The following SMOC1 variants were observed in gnomAD, a reference collection of about 807,000 sequenced individuals.
SMOC1 encodes the protein SPARC related modular calcium binding 1, also known as SPARC-related modular calcium-binding protein 1.
In SMOC1, 22 loss-of-function variants were observed where a neutral mutation model predicts 56.3. That is an observed-to-expected ratio of 0.39 (90% CI 0.28 to 0.56). SMOC1 has a LOEUF of 0.56. SMOC1 is among the 20% of genes least tolerant of loss of function. The pLI is 0.61. For missense variants in SMOC1, 509 were observed against 565.4 expected, an observed-to-expected ratio of 0.90 and a Z score of 1.01; for synonymous variants, 193 against 215.0, an observed-to-expected ratio of 0.90 and a Z score of 0.89.
chr14:69,898,335 T>C (rs962183293), intron 1 of SMOC1, among the ~76,000 whole-genome samples: 65 of 152,338 alleles, frequency 4.3e-4, no homozygotes, highest in African/African-American at 1.4e-3. Flanking sequence ...GGCATGAATT[T>C]TGGGGAAATT....
chr14:69,980,743 T>C (rs993035461), intron 5 of SMOC1, among the ~76,000 whole-genome samples: 2 of 152,182 alleles, frequency 1.3e-5, no homozygotes. Context: ...TGGCTTCTCA[T>C]AGGAGGCATC....
At chr14:70,001,496 A>G (rs1428227514) in intron 7 of SMOC1, among the ~76,000 whole-genome samples, 1 of 152,188 alleles carries the variant, frequency 6.6e-6, no homozygotes, top group African/African-American at 2.4e-5. Flanking sequence ...TAAAAAGCAG[A>G]TAGACTCTTA....
At chr14:69,925,997 C>T (rs7146478) in intron 1 of SMOC1, among the ~76,000 whole-genome samples, 3,857 of 152,100 alleles carry the variant, frequency 0.025, 133 homozygotes, top group African/African-American at 0.081. Flanking sequence ...CAGCTCCCCT[C>T]AGGAACTCTC....
At chr14:69,949,941 G>A (rs1040663137) in intron 1 of SMOC1, among the ~76,000 whole-genome samples, 1 of 152,166 alleles carries the variant, frequency 6.6e-6, no homozygotes, top group Non-Finnish European at 1.5e-5. Context: ...ATTTCTCCCC[G>A]TCAGCTCACC....
At chr14:70,023,565 G>A in intron 11 of SMOC1, 118 bp downstream of exon 11, 2 of 1,427,426 alleles carry the variant, frequency 1.4e-6, no homozygotes, top group Admixed American at 1.7e-5. Context: ...ATTATTTGCT[G>A]GAAGTGTGCT....
At chr14:69,987,858 C>T (rs1178814745) in intron 5 of SMOC1, among the ~76,000 whole-genome samples, 2 of 152,178 alleles carry the variant, frequency 1.3e-5, no homozygotes, top group Non-Finnish European at 2.9e-5. Flanking sequence ...GTCACACAAA[C>T]CCACTGTCTG....
At chr14:69,948,467 CAG>C (rs1253692679) in intron 1 of SMOC1, among the ~76,000 whole-genome samples, 6 of 152,180 alleles carry the variant, frequency 3.9e-5, no homozygotes, top group African/African-American at 1.4e-4. Flanking sequence ...TGTTTGCAGA[CAG>C]AGTGTTCCCC....
chr14:69,960,034 C>T (rs1462414504), intron 3 of SMOC1, among the ~76,000 whole-genome samples: 3 of 152,136 alleles, frequency 2.0e-5, no homozygotes, highest in East Asian at 3.9e-4. Flanking sequence ...CCTGGGAACA[C>T]CTTGGTTTAC....
At chr14:69,912,759 A>C (rs1028903000) in intron 1 of SMOC1, among the ~76,000 whole-genome samples, 1 of 152,004 alleles carries the variant, frequency 6.6e-6, no homozygotes, top group Non-Finnish European at 1.5e-5. Flanking sequence ...AAAGGCCCTC[A>C]GTTTTTTTTT....
intron 3 of SMOC1, among the ~76,000 whole-genome samples, chr14:69,961,275 T>TATAC (rs1883366454): frequency 4.5e-5 from 1 of 22,270 alleles, no homozygotes; most frequent in African/African-American, 1.4e-4. Context: ...CTATTGTGTA[T>TATAC]ATATATATAT....
At chr14:69,896,696 C>A (rs1299194988) in intron 1 of SMOC1, among the ~76,000 whole-genome samples, 1 of 152,150 alleles carries the variant, frequency 6.6e-6, no homozygotes, top group East Asian at 1.9e-4. Flanking sequence ...TTCACTTTCC[C>A]AATCTGATAT....
chr14:69,994,659 A>G (rs190939461), intron 7 of SMOC1, among the ~76,000 whole-genome samples, 179 bp downstream of exon 7: 42 of 152,342 alleles, frequency 2.8e-4, no homozygotes, highest in African/African-American at 9.4e-4. Context: ...ATTTTCTTCA[A>G]TTATCATCTC....
intron 1 of SMOC1, among the ~76,000 whole-genome samples, chr14:69,922,849 A>C (rs763268832): frequency 1.3e-5 from 2 of 152,010 alleles, no homozygotes; most frequent in Non-Finnish European, 1.5e-5. Flanking sequence ...GACTTTGTGC[A>C]TCCCATCTGT....
At chr14:69,984,468 G>T (rs1388753904) in intron 5 of SMOC1, among the ~76,000 whole-genome samples, 1 of 152,094 alleles carries the variant, frequency 6.6e-6, no homozygotes, top group East Asian at 1.9e-4. Context: ...AAAAATATTT[G>T]CAAACCGTCT....
intron 8 of SMOC1, 124 bp downstream of exon 8, chr14:70,011,070 T>C (rs1885319836): frequency 9.3e-7 from 1 of 1,079,666 alleles, no homozygotes; most frequent in Non-Finnish European, 1.4e-6. Context: ...ATGTTTTCAA[T>C]GAGTAGAAGA....
intron 1 of SMOC1, among the ~76,000 whole-genome samples, chr14:69,916,118 T>C: frequency 6.6e-6 from 1 of 152,206 alleles, no homozygotes. Context: ...GCCCAGATTT[T>C]CCCTACCAAC....
chr14:69,951,068 T>G (rs1882978329), intron 1 of SMOC1, among the ~76,000 whole-genome samples: 1 of 152,200 alleles, frequency 6.6e-6, no homozygotes, highest in African/African-American at 2.4e-5. Flanking sequence ...TCTCTGTGCC[T>G]GGGTTGGTTG....
At chr14:70,027,883 TCCA>T (rs1885990964) in intron 11 of SMOC1, among the ~76,000 whole-genome samples, 1 of 152,104 alleles carries the variant, frequency 6.6e-6, no homozygotes, top group African/African-American at 2.4e-5. Flanking sequence ...AACTGCCCCC[TCCA>T]TCCCTCTGCT....
chr14:69,984,855 T>TCAAA (rs374247826), intron 5 of SMOC1, among the ~76,000 whole-genome samples: 172 of 146,834 alleles, frequency 1.2e-3, no homozygotes, highest in Admixed American at 3.5e-3. Flanking sequence ...AGACTCCATC[T>TCAAA]CAAACAAACA....
Sources: allele counts gnomAD v4.1 joint callset (sites outside exome capture counted in the v4.1 genomes callset), GRCh38; gene constraint gnomAD v4.1.1; transcripts MANE v1.5; gene names NCBI Gene and HGNC (gene_info 2026-07-23, HGNC 2026-07-21).